Variants in ESRRG observed in about 807,000 individuals in gnomAD.
ESRRG encodes estrogen related receptor gamma, also known as estrogen-related receptor gamma.
In ESRRG, 13 loss-of-function variants were observed where a neutral mutation model predicts 44.0. The observed-to-expected ratio is 0.30, with a 90% CI of 0.19 to 0.47. ESRRG has a LOEUF of 0.47. Among genes scored for constraint, ESRRG ranks in the 20% least tolerant of loss-of-function variants. ESRRG has a pLI of 1.00. For missense variants in ESRRG, 395 were observed against 580.6 expected (o/e 0.68, Z 3.29); for synonymous variants, 215 against 214.6 (o/e 1.00, Z -0.02).
chr1:216,508,794 G>A (rs1188193441), intron 6 of ESRRG, among the ~76,000 whole-genome samples: 1 of 152,034 alleles, frequency 6.6e-6, no homozygotes, highest in African/African-American at 2.4e-5. Flanking sequence ...CTACCTGAAG[G>A]AAAAATGGGA....
At chr1:216,676,283 A>T (rs1445882632) in intron 2 of ESRRG, among the ~76,000 whole-genome samples, 1 of 152,150 alleles carries the variant, frequency 6.6e-6, no homozygotes, top group Admixed American at 6.5e-5. Context: ...TCTACACTGT[A>T]TGGCGGAAAT....
At chr1:217,016,853 G>A (rs2079456914) in intron 1 of ESRRG, among the ~76,000 whole-genome samples, 1 of 152,136 alleles carries the variant, frequency 6.6e-6, no homozygotes, top group Non-Finnish European at 1.5e-5. Context: ...AACTGTAATT[G>A]TCAATTAGAA....
At chr1:216,790,931 A>G (rs1190874075) in intron 2 of ESRRG, among the ~76,000 whole-genome samples, 2 of 152,170 alleles carry the variant, frequency 1.3e-5, no homozygotes, top group Non-Finnish European at 2.9e-5. Context: ...CAACATTGTG[A>G]AACAGTTGAA....
At chr1:216,990,421 T>C (rs2075508079) in intron 1 of ESRRG, among the ~76,000 whole-genome samples, 1 of 152,212 alleles carries the variant, frequency 6.6e-6, no homozygotes, top group Admixed American at 6.5e-5. Context: ...AAACATTTGG[T>C]GCATAGTACC....
intron 1 of ESRRG, among the ~76,000 whole-genome samples, chr1:217,096,913 T>G (rs1463839441): frequency 6.6e-6 from 1 of 152,166 alleles, no homozygotes; most frequent in Non-Finnish European, 1.5e-5. Context: ...CTGTTCCAAT[T>G]CTCTGAAAAT....
chr1:216,998,274 G>C (rs1374196996), intron 1 of ESRRG, among the ~76,000 whole-genome samples: 1 of 152,172 alleles, frequency 6.6e-6, no homozygotes. Context: ...TATTAACATT[G>C]TCTATGATTC....
intron 2 of ESRRG, among the ~76,000 whole-genome samples, chr1:216,761,432 C>T (rs543010804): frequency 1.3e-5 from 2 of 152,054 alleles, no homozygotes; most frequent in Non-Finnish European, 2.9e-5. Flanking sequence ...AATCTTATAT[C>T]TTGACTCAGA....
At chr1:216,712,265 T>G (rs1010351750) in intron 1 of ESRRG, among the ~76,000 whole-genome samples, 1 of 152,212 alleles carries the variant, frequency 6.6e-6, no homozygotes, top group African/African-American at 2.4e-5. Flanking sequence ...TGAAGCCACT[T>G]AGCAATGCTA....
chr1:216,778,357 A>G (rs1435355986), intron 2 of ESRRG, among the ~76,000 whole-genome samples: 7 of 152,000 alleles, frequency 4.6e-5, no homozygotes, highest in Admixed American at 4.6e-4. Context: ...GAGCCTTGGG[A>G]GAGGCATGGA....
At chr1:216,763,274 C>A (rs1004269048) in intron 2 of ESRRG, among the ~76,000 whole-genome samples, 1 of 149,558 alleles carries the variant, frequency 6.7e-6, no homozygotes, top group South Asian at 2.1e-4. Flanking sequence ...TTGTTGTTGG[C>A]TATGAAGTCT....
chr1:216,620,815 T>C (rs2062104961), intron 3 of ESRRG, among the ~76,000 whole-genome samples: 1 of 152,202 alleles, frequency 6.6e-6, no homozygotes, highest in South Asian at 2.1e-4. Context: ...TAGTTACCAT[T>C]TGGAACATCT....
At chr1:216,708,482 A>G (rs575523418) in intron 1 of ESRRG, among the ~76,000 whole-genome samples, 1 of 152,196 alleles carries the variant, frequency 6.6e-6, no homozygotes, top group East Asian at 1.9e-4. Flanking sequence ...GACAGTGGTC[A>G]TTGGAGAAAT....
chr1:216,639,451 G>A (rs2065948411), intron 3 of ESRRG, among the ~76,000 whole-genome samples: 1 of 152,158 alleles, frequency 6.6e-6, no homozygotes, highest in African/African-American at 2.4e-5. Flanking sequence ...GAACTGAGAG[G>A]GAGGCCAGGG....
intron 2 of ESRRG, among the ~76,000 whole-genome samples, chr1:216,744,195 C>T (rs941726576): frequency 6.6e-6 from 1 of 152,140 alleles, no homozygotes; most frequent in South Asian, 2.1e-4. Flanking sequence ...GAGTCTCTTC[C>T]TCTGTGCCTC....
chr1:216,838,734 T>C lies in ESRRG; in HGVS notation c.-14+100848A>G, dbSNP rs76099295. 8.5e-5 allele frequency among the ~76,000 whole-genome samples: 13 copies of C among 152,242 alleles called. No individual in the cohort carries two copies. In the East Asian group the frequency reaches 2.5e-3, roughly 29 times the overall value. On this transcript the variant is annotated intron_variant, in intron 2 of 7. Coordinates refer to the ESRRG transcript ENST00000359162. ...TCACAGTCAAGTGAGTTACAGGAAT[T>C]TTTTGGTTTTCCAGTGCATTTAAAA...
intron 2 of ESRRG, chr1:216,854,998 G>A (rs1263055173): frequency 6.6e-6 from 1 of 152,152 alleles, no homozygotes; most frequent in African/African-American, 2.4e-5. Flanking sequence ...GAAGTGCTGG[G>A]TCCTCTGAAA....
intron 2 of ESRRG, among the ~76,000 whole-genome samples, chr1:216,906,090 A>G (rs2059657341): frequency 1.3e-5 from 2 of 152,210 alleles, no homozygotes; most frequent in Admixed American, 1.3e-4. Context: ...CCTAGAAACA[A>G]TTTGAGGATA....
chr1:217,012,030 A>G (rs1361146305), intron 1 of ESRRG, among the ~76,000 whole-genome samples: 2 of 152,172 alleles, frequency 1.3e-5, no homozygotes, highest in Non-Finnish European at 2.9e-5. Flanking sequence ...AATGCATGCA[A>G]TTGAAAAGGG....
chr1:216,889,744 A>G (rs1340619927), intron 2 of ESRRG, among the ~76,000 whole-genome samples: 1 of 152,166 alleles, frequency 6.6e-6, no homozygotes, highest in Non-Finnish European at 1.5e-5. Context: ...TCACATATCC[A>G]CTGATTTCGC....
Sources: gnomAD v4.1 joint callset for allele counts (sites outside exome capture counted in the v4.1 genomes callset) on GRCh38, gnomAD v4.1.1 for gene constraint, MANE v1.5 for transcripts, NCBI Gene and HGNC (gene_info 2026-07-23, HGNC 2026-07-21) for gene names.